Variants in SERPINE2 observed in about 807,000 individuals in gnomAD.
SERPINE2 encodes serpin family E member 2, also known as glia-derived nexin.
In SERPINE2, 14 loss-of-function variants were observed where a neutral mutation model predicts 36.3. The ratio of observed to expected loss-of-function variants is 0.39; its 90% CI spans 0.25 to 0.60. The LOEUF (loss-of-function observed/expected upper bound fraction) is 0.60. Among genes scored for constraint, SERPINE2 ranks in the 20% least tolerant of loss-of-function variants. The pLI is 0.57. For synonymous variants in SERPINE2, 192 were observed against 191.8 expected, an observed-to-expected ratio of 1.00 and a Z score of -0.01; for missense variants, 418 against 499.6, an observed-to-expected ratio of 0.84 and a Z score of 1.56.
At chr2:224,026,232 G>A (rs1340408489) in intron 1 of SERPINE2, among the ~76,000 whole-genome samples, 2 of 152,154 alleles carry the variant, frequency 1.3e-5, no homozygotes, top group Non-Finnish European at 2.9e-5. Flanking sequence ...CCCACTTCGG[G>A]CTTTATACAA....
chr2:224,012,072 A>T (rs541567954), intron 1 of SERPINE2, among the ~76,000 whole-genome samples: 1 of 152,324 alleles, frequency 6.6e-6, no homozygotes, highest in African/African-American at 2.4e-5. Context: ...ACTAACAGCC[A>T]TTGACTACTG....
At position 224,039,061 on chromosome 2, in the gene SERPINE2, C is replaced by G. The variant is rs901581176; in HGVS notation, c.-23+38G>C. 6.6e-6 allele frequency: 1 copy of G among 151,328 alleles called. No homozygotes were observed. The highest frequency in any genetic ancestry group is 1.5e-5 in the Non-Finnish European group (1 of 67,758). 9.4% of individuals were successfully genotyped at this position (151,328 alleles called of 1,614,324 possible). A position where few individuals can be genotyped will look rare whatever the true frequency, so the allele number is the denominator to read the frequency against. On this transcript the variant is annotated intron_variant, in intron 1 of 8. Transcript: ENST00000409304. The surrounding 1 kb of genome is among the most constrained non-coding windows in gnomAD (Gnocchi z 5.2). ...GAGCGTCCCCCGCCGAGGGCAGCGC[C>G]GGCCGCGCCCGGGACTCACCGCGCA...
chr2:223,975,724 T>C lies in SERPINE2; in HGVS notation c.*143A>G. ...CAATACCTCCCAGAACAGAAACACT[T>C]GCATCGAGTCTGTTCCTAAGAACTA... On this transcript the variant is annotated 3_prime_UTR_variant, in exon 9 of 9. Transcript: ENST00000409304. The C allele has an allele frequency of 1.6e-6, 1 of 617,880 alleles. No homozygotes were observed. Among genetic ancestry groups the C allele is most frequent in the Non-Finnish European group, 2.8e-6 (1 of 361,720 alleles). The allele number at this position is 617,880 out of a possible 1,614,324, so 38.3% of individuals were successfully genotyped here.
At position 223,975,643 on chromosome 2, in the gene SERPINE2, C is replaced by G. The variant is rs994126591; in HGVS notation, c.*224G>C. ...AAAGAATCTTTTAGACATCTGGAAG[C>G]CTTTCTATTCATTCCTCAGTACAGT... On this transcript the variant is annotated 3_prime_UTR_variant, in exon 9 of 9. Coordinates refer to ENST00000409304, the MANE Select transcript of SERPINE2 (RefSeq NM_001136528.2). The G allele has an allele frequency of 5.0e-6, 2 of 399,814 alleles. No individual in the cohort carries two copies. Among genetic ancestry groups the G allele is most frequent in the East Asian group, 7.1e-5 (2 of 28,326 alleles). 24.8% of individuals were successfully genotyped at this position (399,814 alleles called of 1,614,324 possible). A position where few individuals can be genotyped will look rare whatever the true frequency, so the allele number is the denominator to read the frequency against.
intron 6 of SERPINE2, chr2:223,981,301 C>G (rs1690219127): frequency 6.6e-6 from 1 of 152,152 alleles, no homozygotes; most frequent in South Asian, 2.1e-4. Flanking sequence ...TGAACACCCC[C>G]CATTTAGTAT....
chr2:223,996,456 C>A (rs1169792059), intron 3 of SERPINE2, among the ~76,000 whole-genome samples: 9 of 152,162 alleles, frequency 5.9e-5, no homozygotes, highest in African/African-American at 2.2e-4. Context: ...CACGAATTTA[C>A]CCAAGTCACC....
At position 223,975,525 on chromosome 2, in the gene SERPINE2, G is replaced by C. The variant is rs1244394892; in HGVS notation, c.*342C>G. On this transcript the variant is annotated 3_prime_UTR_variant, in exon 9 of 9. Transcript: ENST00000409304. Reference sequence around the variant, plus strand: ...CTGATTAAATTTCTTCTGAAAAGCCGCACATATAGACAAAACAAAACAAAA... The same window carrying C: ...CTGATTAAATTTCTTCTGAAAAGCCCCACATATAGACAAAACAAAACAAAA... The C allele has an allele frequency of 4.9e-6, 1 of 203,950 alleles. No homozygotes were observed. Among genetic ancestry groups the C allele is most frequent in the African/African-American group, 2.3e-5 (1 of 43,318 alleles). The allele number at this position is 203,950 out of a possible 1,614,324, so 12.6% of individuals were successfully genotyped here.
chr2:224,001,570 C>A (rs898961416), intron 2 of SERPINE2, 72 bp downstream of exon 2: 3 of 1,529,302 alleles, frequency 2.0e-6, no homozygotes, highest in South Asian at 1.3e-5. Context: ...TCAGCAAAAA[C>A]CAAGCCATAA....
At chr2:224,015,797 T>G (rs4674842) in intron 1 of SERPINE2, among the ~76,000 whole-genome samples, 35,889 of 152,094 alleles carry the variant, frequency 0.24, 4,270 homozygotes, top group Middle Eastern at 0.27. Flanking sequence ...ACTGATCAAT[T>G]GGACCTCATC....
intron 8 of SERPINE2, 149 bp downstream of exon 8, chr2:223,977,395 A>G: frequency 1.6e-6 from 1 of 626,928 alleles, no homozygotes; most frequent in Non-Finnish European, 2.9e-6. Flanking sequence ...CTATCTCTTT[A>G]ACATGGGTGG....
In SERPINE2 at chr2:223,990,194, G is replaced by A. The variant is rs1690607519; in HGVS notation, c.685+1609C>T. Among the ~76,000 whole-genome samples the A allele has an allele frequency of 2.6e-5, 4 of 152,150 alleles. No individual in the cohort carries two copies. The South Asian group carries it at 8.3e-4, about 32-fold the overall frequency. On this transcript the variant is annotated intron_variant, in intron 4 of 8. Coordinates refer to ENST00000409304, the MANE Select transcript of SERPINE2 (RefSeq NM_001136528.2). ...CAGCAAGAAGAGAGAGGGCAAGGGG[G>A]CCCAGAGCAGGGTGGAAGCGGGTAA...
intron 1 of SERPINE2, among the ~76,000 whole-genome samples, chr2:224,015,546 C>G (rs889921241): frequency 6.6e-6 from 1 of 152,198 alleles, no homozygotes; most frequent in South Asian, 2.1e-4. Flanking sequence ...CACCTTACAG[C>G]CTTTGCAAGA....
At chr2:224,010,868 G>C (rs754163128) in intron 1 of SERPINE2, among the ~76,000 whole-genome samples, 4 of 152,182 alleles carry the variant, frequency 2.6e-5, no homozygotes, top group Non-Finnish European at 4.4e-5. Flanking sequence ...CAACCATTTA[G>C]AAAGTCTCAA....
chr2:223,993,131 A>AT (rs1181915561), intron 3 of SERPINE2, among the ~76,000 whole-genome samples: 1 of 53,870 alleles, frequency 1.9e-5, no homozygotes, highest in African/African-American at 4.6e-5. Flanking sequence ...TCTCTAAAAA[A>AT]AATAAGATAA....
chr2:224,036,411 C>A (rs1001380106), intron 1 of SERPINE2, among the ~76,000 whole-genome samples: 1 of 144,418 alleles, frequency 6.9e-6, no homozygotes, highest in African/African-American at 2.6e-5. Flanking sequence ...AGTGGGTATC[C>A]ATAAGATTGC....
chr2:224,026,221 G>A (rs1413505104), intron 1 of SERPINE2, among the ~76,000 whole-genome samples: 4 of 152,292 alleles, frequency 2.6e-5, no homozygotes, highest in South Asian at 2.1e-4. Context: ...ACATAAACAC[G>A]CCCACTTCGG....
At chr2:224,006,875 C>T (rs1691445177) in intron 1 of SERPINE2, among the ~76,000 whole-genome samples, 1 of 152,210 alleles carries the variant, frequency 6.6e-6, no homozygotes, top group African/African-American at 2.4e-5. Flanking sequence ...AGACGCCACC[C>T]CTTATGGGCT....
chr2:224,005,063 T>TA (rs1691351539), intron 1 of SERPINE2, among the ~76,000 whole-genome samples: 2 of 6,956 alleles, frequency 2.9e-4, no homozygotes, highest in Non-Finnish European at 4.7e-4. Context: ...ATTTTATATA[T>TA]ATTATATATA....
chr2:224,003,508 A>C (rs147251154), intron 1 of SERPINE2, among the ~76,000 whole-genome samples: 13 of 152,348 alleles, frequency 8.5e-5, no homozygotes, highest in Non-Finnish European at 1.6e-4. Context: ...TAAAGTTACA[A>C]TAGGGTAGGA....
Sources: allele counts gnomAD v4.1 joint callset (sites outside exome capture counted in the v4.1 genomes callset), GRCh38; gene constraint gnomAD v4.1.1; non-coding constraint Gnocchi (gnomAD v3.1); transcripts MANE v1.5; gene names NCBI Gene and HGNC (gene_info 2026-07-23, HGNC 2026-07-21).